Variants in SSX2IP observed in about 807,000 individuals in gnomAD.
SSX2IP encodes afadin- and alpha-actinin-binding protein.
In SSX2IP, 55 loss-of-function variants were observed where a neutral mutation model predicts 84.9. The observed-to-expected ratio is 0.65, with a 90% CI of 0.52 to 0.81. The LOEUF (loss-of-function observed/expected upper bound fraction) is 0.81, where lower values mean the gene tolerates loss of function less well. SSX2IP is among the 30% of genes least tolerant of loss of function. The probability of loss-of-function intolerance (pLI) is 0.00; values close to 1 mark genes in which losing one functional copy is unlikely to be tolerated. For missense variants in SSX2IP, 664 were observed against 705.2 expected, an observed-to-expected ratio of 0.94 and a Z score of 0.66; for synonymous variants, 239 against 234.7, an observed-to-expected ratio of 1.02 and a Z score of -0.17.
At chr1:84,651,135 C>T (rs542557437) in intron 12 of SSX2IP, among the ~76,000 whole-genome samples, 28 of 152,128 alleles carry the variant, frequency 1.8e-4, no homozygotes, top group African/African-American at 3.1e-4. Context: ...GGTAGTATAG[C>T]GAGGGCTTGT....
chr1:84,662,143 T>C, intron 8 of SSX2IP, 55 bp downstream of exon 8: 2 of 1,223,052 alleles, frequency 1.6e-6, no homozygotes, highest in East Asian at 4.8e-5. Flanking sequence ...CCACATATTT[T>C]AATTATTCTT....
At chr1:84,657,373 T>C (rs1400105527) in intron 9 of SSX2IP, among the ~76,000 whole-genome samples, 1 of 152,212 alleles carries the variant, frequency 6.6e-6, no homozygotes, top group Non-Finnish European at 1.5e-5. Context: ...TTAAGTGTTA[T>C]ATGTATGGAA....
intron 9 of SSX2IP, 39 bp downstream of exon 9, chr1:84,658,279 T>C (rs1251000247): frequency 6.2e-7 from 1 of 1,610,046 alleles, no homozygotes; most frequent in East Asian, 2.2e-5. Flanking sequence ...CCTTACCAAA[T>C]GTCACAACTC....
chr1:84,660,252 G>A (rs529789246), intron 8 of SSX2IP, among the ~76,000 whole-genome samples: 21 of 152,276 alleles, frequency 1.4e-4, no homozygotes, highest in African/African-American at 5.1e-4. Flanking sequence ...ACTTAAACAT[G>A]TGAATTATGA....
intron 1 of SSX2IP, among the ~76,000 whole-genome samples, chr1:84,681,789 T>C (rs1439801021): frequency 5.3e-5 from 8 of 152,180 alleles, no homozygotes; most frequent in South Asian, 4.1e-4. Flanking sequence ...TCCACATATG[T>C]ACGCATACCC....
chr1:84,655,438 G>A (rs767921304), intron 11 of SSX2IP: 218 of 1,291,272 alleles, frequency 1.7e-4, no homozygotes, highest in Non-Finnish European at 2.1e-4. Flanking sequence ...CTGGGGAGAA[G>A]AGAACTTAAT....
chr1:84,678,824 C>A (rs1654708646), intron 1 of SSX2IP, among the ~76,000 whole-genome samples: 1 of 152,196 alleles, frequency 6.6e-6, no homozygotes, highest in African/African-American at 2.4e-5. Context: ...AAGTACAGTA[C>A]TTTAAGTGTT....
At chr1:84,687,853 G>C (rs1656006212) in intron 1 of SSX2IP, among the ~76,000 whole-genome samples, 1 of 152,160 alleles carries the variant, frequency 6.6e-6, no homozygotes, top group Admixed American at 6.5e-5. Flanking sequence ...ACTCTACCAA[G>C]CCACCTGTAA....
chr1:84,689,322 C>CT lies in SSX2IP; in HGVS notation c.-90+1048dup, dbSNP rs3835683. On this transcript the variant is annotated intron_variant, in intron 1 of 13. Coordinates refer to ENST00000342203, the MANE Select transcript of SSX2IP (RefSeq NM_001166293.2). ...ACTGTAGGATCACCAGAATTTTCTT[C>CT]TACCCCACAGTAAGCCAAACCCCCA... 4.9e-3 allele frequency among the ~76,000 whole-genome samples: 745 copies of CT among 152,312 alleles called. 25 individuals carry two copies. In the East Asian group the frequency reaches 0.077, roughly 16 times the overall value.
chr1:84,648,797 AAAAT>A (rs1304892945), intron 13 of SSX2IP, among the ~76,000 whole-genome samples: 1 of 152,200 alleles, frequency 6.6e-6, no homozygotes, highest in Non-Finnish European at 1.5e-5. Context: ...TTTTGATTGT[AAAAT>A]AAATAAACTT....
intron 12 of SSX2IP, among the ~76,000 whole-genome samples, chr1:84,651,500 G>C (rs1003390604): frequency 1.3e-5 from 2 of 152,096 alleles, no homozygotes; most frequent in Admixed American, 1.3e-4. Flanking sequence ...GGCTGAGATG[G>C]GTGGATCACC....
At chr1:84,647,751 G>C in intron 13 of SSX2IP, 144 bp from the exon 14 acceptor site, 1 of 373,314 alleles carries the variant, frequency 2.7e-6, no homozygotes, top group Non-Finnish European at 4.0e-6. Flanking sequence ...AATTTTACTT[G>C]GAAAAAAAAA....
In SSX2IP at chr1:84,662,463, A is replaced by G. The variant is rs1652155969; in HGVS notation, c.741T>C (p.Thr247=). 3 of 1,613,804 alleles carry G rather than the reference A, an allele frequency of 1.9e-6. No homozygotes were observed. The highest frequency in any genetic ancestry group is 2.5e-6 in the Non-Finnish European group (3 of 1,179,900). Residue 247 remains threonine, a synonymous_variant, in exon 7 of 14, where the codon ACT becomes ACC. Coordinates refer to ENST00000342203, the MANE Select transcript of SSX2IP (RefSeq NM_001166293.2). ...TTTAAACTGGACTTTACCTGGCTTC[A>G]GTTTTACCAGTCCTCCAGGAGCCTC... ...GKRGSWRTGK[T]EARNEDEMYK... is the part of the protein sequence containing the mutation.
intron 1 of SSX2IP, among the ~76,000 whole-genome samples, chr1:84,687,176 G>A (rs553646492): frequency 4.4e-4 from 67 of 152,190 alleles, no homozygotes; most frequent in African/African-American, 1.6e-3. Context: ...GACAACCAGG[G>A]CACAAGATCA....
intron 5 of SSX2IP, 31 bp from the exon 6 acceptor site, chr1:84,664,583 G>A (rs1450280482): frequency 6.6e-7 from 1 of 1,511,600 alleles, no homozygotes. Flanking sequence ...TATAAGCCCA[G>A]TAACGATTCA....
At chr1:84,685,992 T>C (rs1160211250) in intron 1 of SSX2IP, among the ~76,000 whole-genome samples, 1 of 152,202 alleles carries the variant, frequency 6.6e-6, no homozygotes, top group African/African-American at 2.4e-5. Flanking sequence ...AGGCTCTATA[T>C]ACGATTTCAA....
At chr1:84,662,911 G>C (rs2102338527) in intron 6 of SSX2IP, among the ~76,000 whole-genome samples, 1 of 152,182 alleles carries the variant, frequency 6.6e-6, no homozygotes, top group East Asian at 1.9e-4. Flanking sequence ...CCTGATAATG[G>C]CCCACAGGCT....
At chr1:84,659,802 A>T (rs1651666990) in intron 8 of SSX2IP, among the ~76,000 whole-genome samples, 2 of 151,574 alleles carry the variant, frequency 1.3e-5, no homozygotes, top group Admixed American at 1.3e-4. Flanking sequence ...ATCTCAAAAA[A>T]AAAAAAAAGA....
intron 11 of SSX2IP, among the ~76,000 whole-genome samples, chr1:84,654,541 G>A (rs928835639): frequency 2.0e-5 from 3 of 151,670 alleles, no homozygotes; most frequent in Admixed American, 1.3e-4. Context: ...CTAATATAGC[G>A]AATTGAACAG....
Sources: gnomAD v4.1 joint callset for allele counts (sites outside exome capture counted in the v4.1 genomes callset) on GRCh38, gnomAD v4.1.1 for gene constraint, MANE v1.5 for transcripts, NCBI Gene and HGNC (gene_info 2026-07-23, HGNC 2026-07-21) for gene names.